Variants in FAM227B observed in about 807,000 individuals in gnomAD.
FAM227B encodes the protein protein FAM227B.
Under a neutral mutation model 73.8 loss-of-function variants are expected in FAM227B, and 88 were observed. That is an observed-to-expected ratio of 1.19 (90% CI 1.00 to 1.42). The LOEUF (loss-of-function observed/expected upper bound fraction) is 1.42, where lower values mean the gene tolerates loss of function less well. Ranked by LOEUF, FAM227B falls within the 40% of genes most tolerant of loss-of-function variation. The pLI is 0.00. For synonymous variants in FAM227B, 210 were observed against 190.5 expected (o/e 1.10, Z -0.84); for missense variants, 632 against 590.9 (o/e 1.07, Z -0.72).
At chr15:49,566,206 G>T (rs1167964490) in intron 9 of FAM227B, among the ~76,000 whole-genome samples, 1 of 152,138 alleles carries the variant, frequency 6.6e-6, no homozygotes, top group East Asian at 1.9e-4. Context: ...GGGAAGTGAA[G>T]GGAAAAGGGA....
intron 11 of FAM227B, among the ~76,000 whole-genome samples, chr15:49,402,495 C>T (rs962935980): frequency 1.2e-4 from 18 of 152,142 alleles, no homozygotes; most frequent in Non-Finnish European, 4.4e-5. Context: ...TCCTTCACTT[C>T]CCTTGTTAGC....
At chr15:49,538,405 T>C (rs1364710107) in intron 10 of FAM227B, among the ~76,000 whole-genome samples, 1 of 152,052 alleles carries the variant, frequency 6.6e-6, no homozygotes, top group Non-Finnish European at 1.5e-5. Flanking sequence ...AAGCTTAGGG[T>C]CCCTGGAAGG....
At chr15:49,525,138 T>C (rs2060066420) in intron 10 of FAM227B, among the ~76,000 whole-genome samples, 1 of 152,142 alleles carries the variant, frequency 6.6e-6, no homozygotes, top group Non-Finnish European at 1.5e-5. Flanking sequence ...GGTAAAATGA[T>C]ATGGCTTGGC....
chr15:49,617,957 C>T (rs951143233), intron 1 of FAM227B, among the ~76,000 whole-genome samples: 5 of 152,194 alleles, frequency 3.3e-5, no homozygotes, highest in African/African-American at 9.6e-5. Flanking sequence ...CTATCCTTTG[C>T]TCAGAGCTCC....
intron 10 of FAM227B, among the ~76,000 whole-genome samples, chr15:49,512,600 T>A (rs1232879466): frequency 6.6e-6 from 1 of 152,174 alleles, no homozygotes. Context: ...TATTTAACTT[T>A]ACATTCTGGG....
intron 9 of FAM227B, among the ~76,000 whole-genome samples, chr15:49,543,981 G>A (rs931170887): frequency 6.6e-6 from 1 of 152,074 alleles, no homozygotes; most frequent in Non-Finnish European, 1.5e-5. Flanking sequence ...GGCTTTGTGG[G>A]ATTTTTGGTT....
intron 11 of FAM227B, among the ~76,000 whole-genome samples, chr15:49,410,653 C>T (rs1159876696): frequency 6.6e-6 from 1 of 151,962 alleles, no homozygotes; most frequent in Non-Finnish European, 1.5e-5. Context: ...CCCACACAAA[C>T]CCCACCTCCA....
At chr15:49,591,343 T>G (rs1402674603) in intron 3 of FAM227B, among the ~76,000 whole-genome samples, 1 of 150,584 alleles carries the variant, frequency 6.6e-6, no homozygotes, top group Admixed American at 6.6e-5. Context: ...GTGCTGGGAT[T>G]ATAGGTGTGA....
At chr15:49,461,101 A>G (rs1461258665) in intron 11 of FAM227B, among the ~76,000 whole-genome samples, 1 of 152,072 alleles carries the variant, frequency 6.6e-6, no homozygotes, top group Non-Finnish European at 1.5e-5. Flanking sequence ...TTTCTCCCTG[A>G]CTTAAATATC....
Position 49,398,237 on chromosome 15 carries a change from A to AAG in FAM227B, c.1013-26840_1013-26839dup, listed in dbSNP as rs1026582062. Among the ~76,000 whole-genome samples, 9 of 152,218 alleles carry AAG rather than the reference A, an allele frequency of 5.9e-5. 1 individual carries two copies. Among genetic ancestry groups the AAG allele is most frequent in the African/African-American group, 2.2e-4 (9 of 41,514 alleles). ...AACAGACTTTAAACCAACAAAGATC[A>AAG]AGAGAGACAAAGAAGGCCATTACAT... On this transcript the variant is annotated intron_variant, in intron 11 of 15. Coordinates refer to ENST00000299338, the MANE Select transcript of FAM227B (RefSeq NM_152647.3).
intron 10 of FAM227B, 115 bp from the exon 11 acceptor site, chr15:49,508,463 C>G: frequency 1.1e-6 from 1 of 913,026 alleles, no homozygotes; most frequent in African/African-American, 1.7e-5. Flanking sequence ...CAAAAAAGTT[C>G]CTTTTTTGTT....
At chr15:49,367,809 TTTGAG>T (rs565634501) in intron 12 of FAM227B, 17 of 357,002 alleles carry the variant, frequency 4.8e-5, no homozygotes, top group Non-Finnish European at 7.4e-5. Flanking sequence ...CTTCTACTCT[TTTGAG>T]TTATCATCAG....
chr15:49,382,251 T>C (rs1007236259), intron 11 of FAM227B, among the ~76,000 whole-genome samples: 3 of 152,024 alleles, frequency 2.0e-5, no homozygotes, highest in Non-Finnish European at 4.4e-5. Flanking sequence ...AAAACAATAA[T>C]GATTGAAATA....
At chr15:49,347,929 G>T (rs1200974894) in intron 13 of FAM227B, among the ~76,000 whole-genome samples, 1 of 143,282 alleles carries the variant, frequency 7.0e-6, no homozygotes, top group Non-Finnish European at 1.5e-5. Context: ...TGAGGCAGGA[G>T]AATTGTTTGA....
At chr15:49,551,294 C>T (rs1038876454) in intron 9 of FAM227B, among the ~76,000 whole-genome samples, 3 of 150,694 alleles carry the variant, frequency 2.0e-5, no homozygotes, top group African/African-American at 7.4e-5. Context: ...GGAGAGGACG[C>T]ATATGTATTT....
At position 49,371,784 on chromosome 15, in the gene FAM227B, T is replaced by TC. The variant is rs1437835486; in HGVS notation, c.1013-386_1013-385insG. On this transcript the variant is annotated intron_variant, in intron 11 of 15. Transcript: ENST00000299338. ...AAATGAAATAAAATTCACTTATAAA[T>TC]AAATGAAATAAAATTCACTTATAAA... 2.4e-3 allele frequency among the ~76,000 whole-genome samples: 352 copies of TC among 145,772 alleles called. 3 individuals are homozygous for TC. The highest frequency in any genetic ancestry group is 3.7e-3 in the Non-Finnish European group (241 of 65,532).
intron 11 of FAM227B, chr15:49,423,925 C>G (rs534319642): frequency 2.8e-5 from 5 of 177,698 alleles, no homozygotes; most frequent in Non-Finnish European, 5.9e-5. Flanking sequence ...CAAAGAATAA[C>G]CTATACTGTA....
At chr15:49,378,736 T>C (rs965625463) in intron 11 of FAM227B, among the ~76,000 whole-genome samples, 4 of 152,188 alleles carry the variant, frequency 2.6e-5, no homozygotes, top group Admixed American at 1.3e-4. Flanking sequence ...TAAGATAAAC[T>C]CATCTGCAGA....
intron 11 of FAM227B, chr15:49,424,677 G>T: frequency 2.0e-6 from 2 of 1,020,380 alleles, no homozygotes; most frequent in Admixed American, 2.9e-5. Flanking sequence ...TTTGCTTCTT[G>T]GAAAAAAAAT....
Sources: gnomAD v4.1 joint callset for allele counts (sites outside exome capture counted in the v4.1 genomes callset) on GRCh38, gnomAD v4.1.1 for gene constraint, MANE v1.5 for transcripts, NCBI Gene and HGNC (gene_info 2026-07-23, HGNC 2026-07-21) for gene names.